The following TLCD4 variants were observed in gnomAD, a reference collection of about 807,000 sequenced individuals.
TLCD4 encodes the protein TLC domain-containing protein 4.
A neutral mutation model predicts 24.2 loss-of-function variants in TLCD4; 7 were observed. The observed-to-expected ratio is 0.29, with a 90% CI of 0.16 to 0.54. The LOEUF is 0.54. TLCD4 is among the 20% of genes least tolerant of loss of function. The pLI is 0.95. For missense variants in TLCD4, 259 were observed against 313.9 expected (o/e 0.82, Z 1.32); for synonymous variants, 103 against 106.4 (o/e 0.97, Z 0.20).
chr1:95,162,547 A>G (rs1677849351), intron 5 of TLCD4, among the ~76,000 whole-genome samples: 1 of 152,186 alleles, frequency 6.6e-6, no homozygotes, highest in Non-Finnish European at 1.5e-5. Flanking sequence ...TGCCATTATG[A>G]TGTTAGCTGG....
chr1:95,141,792 TACACACAC>T (rs3075917), intron 1 of TLCD4, among the ~76,000 whole-genome samples: 19,043 of 138,580 alleles, frequency 0.14, 1,268 homozygotes, highest in South Asian at 0.16. Flanking sequence ...TTTTACCAAG[TACACACAC>T]ACACACACAC....
the TLCD4 span, among the ~76,000 whole-genome samples, chr1:95,108,107 G>T: frequency 6.6e-6 from 1 of 151,778 alleles, no homozygotes; most frequent in Non-Finnish European, 1.5e-5. Flanking sequence ...ATTTTCTCTC[G>T]AGTGTCTGGT....
chr1:95,182,465 TAAA>T (rs991291180), intron 6 of TLCD4, among the ~76,000 whole-genome samples: 1 of 152,124 alleles, frequency 6.6e-6, no homozygotes, highest in African/African-American at 2.4e-5. Context: ...ATAAAAATAA[TAAA>T]TAATTCTTAC....
intron 4 of TLCD4, 72 bp downstream of exon 4, chr1:95,150,338 C>A: frequency 6.4e-7 from 1 of 1,551,732 alleles, no homozygotes; most frequent in East Asian, 2.3e-5. Context: ...AATATATAGT[C>A]TATGCTTTTG....
chr1:95,098,701 T>C, the TLCD4 span, among the ~76,000 whole-genome samples: 1 of 152,176 alleles, frequency 6.6e-6, no homozygotes, highest in Non-Finnish European at 1.5e-5. Flanking sequence ...TAATGAATTG[T>C]GGTCTTGCGT....
rs1679188884 is a variant in TLCD4, at chr1:95,195,874, C to T, written c.*4006C>T. 6.6e-6 allele frequency: 1 copy of T among 152,166 alleles called. No homozygotes were observed. Among genetic ancestry groups the T allele is most frequent in the Admixed American group, 6.5e-5 (1 of 15,278 alleles). 9.4% of individuals were successfully genotyped at this position (152,166 alleles called of 1,614,324 possible). Reference sequence around the variant, plus strand: ...CTTTGAATCCTTCCATCTCTTCCTCCTGGTACACCAGATGACTTCATCAGC... The same window carrying T: ...CTTTGAATCCTTCCATCTCTTCCTCTTGGTACACCAGATGACTTCATCAGC... On this transcript the variant is annotated 3_prime_UTR_variant, in exon 7 of 7. Coordinates refer to ENST00000370203, the MANE Select transcript of TLCD4 (RefSeq NM_152487.3).
At chr1:95,173,790 C>T (rs951789678) in intron 5 of TLCD4, 26 bp from the exon 6 acceptor site, 8 of 1,613,316 alleles carry the variant, frequency 5.0e-6, no homozygotes, top group Middle Eastern at 1.7e-4. Context: ...TTATCCTTGA[C>T]GTTGTGTTTT....
At chr1:95,109,930 T>TATATATATATATATATATATAC in the TLCD4 span, among the ~76,000 whole-genome samples, 1 of 136,860 alleles carries the variant, frequency 7.3e-6, no homozygotes, top group African/African-American at 2.6e-5. Flanking sequence ...TATATATATA[T>TATATATATATATATATATATAC]ATATATATAT....
intron 1 of TLCD4, among the ~76,000 whole-genome samples, chr1:95,133,840 A>G (rs1676970618): frequency 6.6e-6 from 1 of 152,012 alleles, no homozygotes; most frequent in Admixed American, 6.6e-5. Context: ...TTCTGGACTC[A>G]TTGCTGAGTA....
upstream of TLCD4, among the ~76,000 whole-genome samples, chr1:95,112,812 G>T (rs550062373): frequency 7.2e-5 from 11 of 152,164 alleles, no homozygotes; most frequent in Non-Finnish European, 1.5e-4. Flanking sequence ...AGATATTATT[G>T]ATGGGCATTT....
At chr1:95,104,930 G>T in the TLCD4 span, among the ~76,000 whole-genome samples, 3 of 151,746 alleles carry the variant, frequency 2.0e-5, no homozygotes, top group Non-Finnish European at 4.4e-5. Flanking sequence ...TGAGGCAGGC[G>T]TGGATTGATT....
At chr1:95,154,248 C>T (rs79662819) in intron 5 of TLCD4, among the ~76,000 whole-genome samples, 8,196 of 152,088 alleles carry the variant, frequency 0.054, 309 homozygotes, top group Non-Finnish European at 0.081. Flanking sequence ...TTAAGTAACC[C>T]TAGGAGGAAG....
At chr1:95,105,154 A>C in the TLCD4 span, among the ~76,000 whole-genome samples, 3 of 152,182 alleles carry the variant, frequency 2.0e-5, no homozygotes, top group Non-Finnish European at 2.9e-5. Flanking sequence ...TAATTGTACC[A>C]CATATCACCA....
intron 1 of TLCD4, among the ~76,000 whole-genome samples, chr1:95,123,304 C>T (rs751174042): frequency 6.6e-6 from 1 of 152,162 alleles, no homozygotes; most frequent in Non-Finnish European, 1.5e-5. Flanking sequence ...TGCTCCCAAA[C>T]AGATCAATTT....
At position 95,129,697 on chromosome 1, in the gene TLCD4, G is replaced by A. The variant is rs145567227; in HGVS notation, c.-12+12080G>A. Among the ~76,000 whole-genome samples, 646 of 152,268 alleles carry A rather than the reference G, an allele frequency of 4.2e-3. 9 individuals carry two copies. The highest frequency in any genetic ancestry group is 0.015 in the African/African-American group (612 of 41,548). On this transcript the variant is annotated intron_variant, in intron 1 of 6. Transcript: ENST00000370203. ...GCAGAGGTTGCAGTGAACCGAGATC[G>A]TGCCATTGCACTCCAGCCTGGGCAA... is the stretch of plus-strand genomic sequence containing the variant.
the TLCD4 span, among the ~76,000 whole-genome samples, chr1:95,111,692 T>C: frequency 6.6e-6 from 1 of 152,192 alleles, no homozygotes; most frequent in South Asian, 2.1e-4. Context: ...GATGGTGCAG[T>C]GGACTGTGGA....
chr1:95,134,240 G>A (rs1008273024), intron 1 of TLCD4, among the ~76,000 whole-genome samples: 3 of 152,134 alleles, frequency 2.0e-5, no homozygotes, highest in Non-Finnish European at 4.4e-5. Flanking sequence ...AATATGGCAG[G>A]GCTTGACGAC....
intron 1 of TLCD4, among the ~76,000 whole-genome samples, chr1:95,139,455 A>ATTTTTTTTTTTTTTTTTTTTT (rs200337389): frequency 2.1e-5 from 2 of 93,992 alleles, no homozygotes; most frequent in Non-Finnish European, 2.0e-5. Flanking sequence ...TAAACCTTTG[A>ATTTTTTTTTTTTTTTTTTTTT]TTTTTTTTTT....
intron 6 of TLCD4, chr1:95,174,130 G>A (rs1217472692): frequency 3.8e-6 from 2 of 529,790 alleles, no homozygotes; most frequent in Non-Finnish European, 6.6e-6. Flanking sequence ...CAGTACGATG[G>A]TGCTTTATGA....
Sources: allele counts gnomAD v4.1 joint callset (sites outside exome capture counted in the v4.1 genomes callset), GRCh38; gene constraint gnomAD v4.1.1; transcripts MANE v1.5; gene names NCBI Gene and HGNC (gene_info 2026-07-23, HGNC 2026-07-21).